ZBTB7C: variants seen among roughly 807,000 people sequenced by gnomAD.
ZBTB7C encodes zinc finger and BTB domain containing 7C.
ZBTB7C carries 8 observed loss-of-function variants against 25.7 expected under a neutral mutation model. The observed-to-expected ratio is 0.31, with a 90% CI of 0.18 to 0.56. The LOEUF (loss-of-function observed/expected upper bound fraction) is 0.56. Among genes scored for constraint, ZBTB7C ranks in the 20% least tolerant of loss-of-function variants. The pLI, the probability that ZBTB7C is intolerant of heterozygous loss-of-function variation, is 0.91. For synonymous variants in ZBTB7C, 394 were observed against 369.0 expected (o/e 1.07, Z -0.78); for missense variants, 824 against 855.2 (o/e 0.96, Z 0.46).
At chr18:48,364,806 A>G (rs925544324) in intron 1 of ZBTB7C, among the ~76,000 whole-genome samples, 1 of 152,170 alleles carries the variant, frequency 6.6e-6, no homozygotes, top group Non-Finnish European at 1.5e-5. Flanking sequence ...TTGTGCACAA[A>G]TGGTAGCATA....
chr18:48,070,349 C>A (rs1194742726), intron 3 of ZBTB7C, among the ~76,000 whole-genome samples: 1 of 152,192 alleles, frequency 6.6e-6, no homozygotes, highest in Non-Finnish European at 1.5e-5. Context: ...GCCTGAATCC[C>A]AGCTGTAGGC....
At chr18:48,234,288 A>C (rs961802769) in intron 2 of ZBTB7C, among the ~76,000 whole-genome samples, 15 of 152,192 alleles carry the variant, frequency 9.9e-5, no homozygotes, top group Admixed American at 3.9e-4. Context: ...CTATTATCTT[A>C]AACTATTTTA....
intron 2 of ZBTB7C, among the ~76,000 whole-genome samples, chr18:48,227,019 CAAA>C (rs1187830776): frequency 3.6e-5 from 2 of 56,114 alleles, no homozygotes; most frequent in Non-Finnish European, 7.5e-5. Context: ...GACTCCATCT[CAAA>C]AAAAAAAAAA....
intron 3 of ZBTB7C, among the ~76,000 whole-genome samples, chr18:48,057,206 A>T (rs930176416): frequency 8.4e-6 from 1 of 119,554 alleles, no homozygotes; most frequent in African/African-American, 2.7e-5. Context: ...GGCCAAAAAT[A>T]AAAAAAATTC....
chr18:48,046,209 C>A (rs190070157), intron 3 of ZBTB7C, among the ~76,000 whole-genome samples: 1 of 152,228 alleles, frequency 6.6e-6, no homozygotes, highest in Non-Finnish European at 1.5e-5. Context: ...CCAGTGACAT[C>A]ATTTCACAGA....
chr18:48,264,358 G>A (rs2044252034), intron 2 of ZBTB7C, among the ~76,000 whole-genome samples: 1 of 151,588 alleles, frequency 6.6e-6, no homozygotes, highest in African/African-American at 2.4e-5. Context: ...ACAAAGAAAG[G>A]AGCACTCGCC....
At chr18:48,385,071 G>A (rs2047716517) in intron 1 of ZBTB7C, among the ~76,000 whole-genome samples, 1 of 152,140 alleles carries the variant, frequency 6.6e-6, no homozygotes, top group Non-Finnish European at 1.5e-5. Context: ...AGCAGCAGAA[G>A]GTCATGTGAG....
intron 3 of ZBTB7C, among the ~76,000 whole-genome samples, chr18:48,086,461 C>G (rs575773844): frequency 6.6e-6 from 1 of 152,308 alleles, no homozygotes; most frequent in South Asian, 2.1e-4. Flanking sequence ...GTTCCATAAT[C>G]TAGATCATTT....
intron 1 of ZBTB7C, among the ~76,000 whole-genome samples, chr18:48,359,263 G>A (rs1298776103): frequency 1.3e-5 from 2 of 152,090 alleles, no homozygotes; most frequent in East Asian, 3.9e-4. Context: ...CCCATGAGAA[G>A]GAGAAATTTT....
At chr18:48,295,679 T>G (rs1598806478) in intron 2 of ZBTB7C, among the ~76,000 whole-genome samples, 1 of 152,270 alleles carries the variant, frequency 6.6e-6, no homozygotes, top group Non-Finnish European at 1.5e-5. Context: ...CCTGGCTCAC[T>G]TTGGGGCTGA....
rs1192762297 is a variant in ZBTB7C, at chr18:48,206,147, TGAA to T, written c.-78-20155_-78-20153del. ...TGACCTATAATACCCAGGTCAATAATGAAGAAGAACAAAGAGAATTTACACTAT... is the reference window on the plus strand; with the variant it reads ...TGACCTATAATACCCAGGTCAATAATGAAGAACAAAGAGAATTTACACTAT... On this transcript the variant is annotated intron_variant, in intron 2 of 4. Transcript: ENST00000590800. 2.0e-5 allele frequency among the ~76,000 whole-genome samples: 3 copies of T among 152,274 alleles called. No homozygotes were observed. In the East Asian group the frequency reaches 5.8e-4, roughly 29 times the overall value.
intron 3 of ZBTB7C, chr18:48,041,457 T>G (rs1217934284): frequency 1.1e-5 from 11 of 985,312 alleles, no homozygotes; most frequent in Non-Finnish European, 1.2e-5. Flanking sequence ...AACTGCAGGA[T>G]GAAAAGCCTC....
chr18:48,267,808 T>C (rs941201945), intron 2 of ZBTB7C, among the ~76,000 whole-genome samples: 1 of 152,118 alleles, frequency 6.6e-6, no homozygotes, highest in African/African-American at 2.4e-5. Context: ...AAACAGCTGG[T>C]TGTAAGCCAG....
intron 2 of ZBTB7C, among the ~76,000 whole-genome samples, chr18:48,233,139 C>T (rs2043295809): frequency 6.6e-6 from 1 of 152,072 alleles, no homozygotes; most frequent in Admixed American, 6.6e-5. Context: ...GTGGTTAGGC[C>T]ATAAGGGCTC....
chr18:48,170,122 C>A (rs2041418608), intron 3 of ZBTB7C, among the ~76,000 whole-genome samples: 1 of 152,218 alleles, frequency 6.6e-6, no homozygotes, highest in Admixed American at 6.5e-5. Context: ...TTAAGGGTGC[C>A]CTCATGGCCT....
intron 3 of ZBTB7C, among the ~76,000 whole-genome samples, chr18:48,143,896 T>G (rs1041498498): frequency 6.6e-5 from 10 of 152,238 alleles, no homozygotes; most frequent in Non-Finnish European, 1.2e-4. Context: ...TATTTGGTGC[T>G]GAACCCGGAT....
At chr18:48,229,308 A>T (rs2043189287) in intron 2 of ZBTB7C, among the ~76,000 whole-genome samples, 1 of 152,116 alleles carries the variant, frequency 6.6e-6, no homozygotes. Context: ...GTGGTTTCTA[A>T]TTATTTTATT....
chr18:48,392,340 C>A (rs943914779), intron 1 of ZBTB7C, among the ~76,000 whole-genome samples: 9 of 152,214 alleles, frequency 5.9e-5, no homozygotes, highest in Middle Eastern at 3.4e-3. Flanking sequence ...TACAGTTTTT[C>A]AGAACTTCCT....
chr18:48,284,800 A>G (rs1288008383), intron 2 of ZBTB7C, among the ~76,000 whole-genome samples: 1 of 146,216 alleles, frequency 6.8e-6, no homozygotes, highest in South Asian at 2.1e-4. Context: ...CCAAAAAAAA[A>G]AAAAAAAAAA....
Sources: allele counts gnomAD v4.1 joint callset (sites outside exome capture counted in the v4.1 genomes callset), GRCh38; gene constraint gnomAD v4.1.1; transcripts MANE v1.5; gene names NCBI Gene and HGNC (gene_info 2026-07-23, HGNC 2026-07-21).